The following MPDZ variants were observed in gnomAD, a reference collection of about 807,000 sequenced individuals.
MPDZ encodes the protein multiple PDZ domain crumbs cell polarity complex component, also known as multiple PDZ domain protein.
A neutral mutation model predicts 239.1 loss-of-function variants in MPDZ; 234 were observed. The observed-to-expected ratio is 0.98, with a 90% confidence interval of 0.88 to 1.09. The LOEUF is 1.09. Ranked by LOEUF, MPDZ falls within the 50% of genes least tolerant of loss-of-function variation. The pLI, the probability that MPDZ is intolerant of heterozygous loss-of-function variation, is 0.00. For missense variants in MPDZ, 3,175 were observed against 2,510.0 expected, an observed-to-expected ratio of 1.26 and a Z score of -5.66; for synonymous variants, 1,048 against 881.3, an observed-to-expected ratio of 1.19 and a Z score of -3.35.
In MPDZ at chr9:13,130,358, C is replaced by T. The variant is rs187353826; in HGVS notation, c.4464+3466G>A. ...TTAGAGCTCCCACTTTTAGACAATG[C>T]AAAAATCATTCTCTTCCTGACTCTC... On this transcript the variant is annotated intron_variant, in intron 32 of 46. Transcript: ENST00000319217. Among the ~76,000 whole-genome samples, 61 of 152,202 alleles carry T rather than the reference C, an allele frequency of 4.0e-4. 1 individual carries two copies. Among genetic ancestry groups the T allele is most frequent in the African/African-American group, 1.3e-3 (54 of 41,550 alleles).
intron 10 of MPDZ, among the ~76,000 whole-genome samples, chr9:13,208,084 G>T (rs1485116501): frequency 2.6e-5 from 4 of 152,128 alleles, no homozygotes; most frequent in Non-Finnish European, 5.9e-5. Flanking sequence ...AAAAGATCTG[G>T]ATTTTATAAT....
rs1291614949 is a variant in MPDZ, at chr9:13,112,655, T to G, written c.5601+356A>C. 2.0e-5 allele frequency among the ~76,000 whole-genome samples: 3 copies of G among 152,224 alleles called. 1 individual carries two copies. Among genetic ancestry groups the G allele is most frequent in the Non-Finnish European group, 4.4e-5 (3 of 68,038 alleles). The stretch of plus-strand genomic sequence containing the variant: ...TAGTAAAAGCTCAATAAATCACAGC[T>G]GCTTTTACTTTGTCTCTTGTGCATG... On this transcript the variant is annotated intron_variant, in intron 42 of 46. Transcript: ENST00000319217.
At chr9:13,147,811 T>G (rs958144693) in intron 25 of MPDZ, among the ~76,000 whole-genome samples, 153 bp from the exon 26 acceptor site, 1 of 152,090 alleles carries the variant, frequency 6.6e-6, no homozygotes, top group Non-Finnish European at 1.5e-5. Context: ...CTGCAGAACT[T>G]TCTGTCTGTC....
chr9:13,122,654 G>C (rs1223018997), intron 36 of MPDZ, among the ~76,000 whole-genome samples: 2 of 151,816 alleles, frequency 1.3e-5, no homozygotes, highest in African/African-American at 4.8e-5. Context: ...CCAAGTAGCT[G>C]GGATTACAGA....
rs983959589 is a variant in MPDZ, at chr9:13,249,436, G to GT, written c.16+863_16+864insA. On this transcript the variant is annotated intron_variant, in intron 2 of 46. Transcript: ENST00000319217. ...GGTTTAGTATAAAATGGGAAGTGAA[G>GT]GAAATGTACATACGTACATTTTCAT... 5.1e-3 allele frequency among the ~76,000 whole-genome samples: 777 copies of GT among 152,188 alleles called. 5 individuals carry two copies. Among genetic ancestry groups the GT allele is most frequent in the African/African-American group, 0.017 (692 of 41,512 alleles).
chr9:13,249,164 T>C (rs1198186870), intron 2 of MPDZ, among the ~76,000 whole-genome samples: 2 of 151,340 alleles, frequency 1.3e-5, no homozygotes, highest in African/African-American at 2.4e-5. Flanking sequence ...TATTTACTCA[T>C]ATGCAGAATT....
chr9:13,252,243 C>T (rs894696998), intron 1 of MPDZ, among the ~76,000 whole-genome samples: 1 of 151,996 alleles, frequency 6.6e-6, no homozygotes, highest in Non-Finnish European at 1.5e-5. Context: ...TAGCCAACCC[C>T]CCTCAAAAAC....
At position 13,131,899 on chromosome 9, in the gene MPDZ, A is replaced by G. The variant is rs556592876; in HGVS notation, c.4464+1925T>C. Among the ~76,000 whole-genome samples the G allele has an allele frequency of 1.4e-4, 21 of 152,300 alleles. No individual in the cohort carries two copies. The South Asian group carries it at 3.9e-3, about 29-fold the overall frequency. ...AACAAATGGCTTGCCTATTGCCCAG[A>G]GAAGTTAAGTGACTCCAAAGCCCAC... is the stretch of plus-strand genomic sequence containing the variant. On this transcript the variant is annotated intron_variant, in intron 32 of 46. Coordinates refer to ENST00000319217, the MANE Select transcript of MPDZ (RefSeq NM_001378778.1).
At chr9:13,186,421 G>C in intron 17 of MPDZ, 35 bp from the exon 18 acceptor site, 1 of 1,388,658 alleles carries the variant, frequency 7.2e-7, no homozygotes, top group Non-Finnish European at 1.0e-6. Flanking sequence ...GGAAAAGAGA[G>C]AGAACAGCAA....
intron 1 of MPDZ, among the ~76,000 whole-genome samples, chr9:13,250,981 T>C (rs1331342268): frequency 6.6e-6 from 1 of 151,598 alleles, no homozygotes. Flanking sequence ...ATACAAAAAT[T>C]AGCTGGGTGT....
At chr9:13,160,034 G>A (rs1325855617) in intron 23 of MPDZ, among the ~76,000 whole-genome samples, 1 of 152,184 alleles carries the variant, frequency 6.6e-6, no homozygotes, top group Non-Finnish European at 1.5e-5. Flanking sequence ...CTGGCAGAAA[G>A]TCACATGGTG....
intron 1 of MPDZ, among the ~76,000 whole-genome samples, chr9:13,271,167 T>C (rs1391047372): frequency 6.6e-6 from 1 of 152,214 alleles, no homozygotes. Flanking sequence ...GTAGTATTTT[T>C]TAAACTATTG....
intron 9 of MPDZ, 53 bp downstream of exon 9, chr9:13,217,127 A>G: frequency 8.7e-7 from 1 of 1,147,324 alleles, no homozygotes; most frequent in Non-Finnish European, 1.3e-6. Context: ...TATAAGAGAT[A>G]GATATCAGAG....
rs183772821 is a variant in MPDZ, at chr9:13,113,886, G to C, written c.5557+45C>G. The stretch of plus-strand genomic sequence containing the variant: ...TAAACAAGACAAAAAAATCAGTGTT[G>C]ACAGCCAAATTCAAACCATGTTTAA... On this transcript the variant is annotated intron_variant, in intron 41 of 46. Coordinates refer to ENST00000319217, the MANE Select transcript of MPDZ (RefSeq NM_001378778.1). 9 of 1,449,106 alleles carry C rather than the reference G, an allele frequency of 6.2e-6. No homozygotes were observed. The Admixed American group carries it at 1.4e-4, about 22-fold the overall frequency. The allele number at this position is 1,449,106 out of a possible 1,614,324, so 89.8% of individuals were successfully genotyped here.
rs1264702193 is a variant in MPDZ, at chr9:13,126,536, C to G, written c.4612G>C (p.Val1538Leu). Residue 1538 changes from valine to leucine, a missense_variant, in exon 34 of 47, where the codon GTT (valine) becomes CTT (leucine). Transcript: ENST00000319217. ...QILAVDDEIV[V>L]GYPIEKFISL... is the part of the protein sequence containing the mutation. ...ATTACCTTTTCAATAGGGTAACCAA[C>G]AACAATTTCATCATCTACAGCCAGT... 1 of 1,571,178 alleles carries G rather than the reference C, an allele frequency of 6.4e-7. No homozygotes were observed.
chr9:13,163,211 A>G (rs1439292062), intron 22 of MPDZ, among the ~76,000 whole-genome samples: 1 of 152,180 alleles, frequency 6.6e-6, no homozygotes, highest in Non-Finnish European at 1.5e-5. Flanking sequence ...GGTATACTCT[A>G]TTAAAATGCT....
chr9:13,247,372 GT>G, intron 3 of MPDZ, among the ~76,000 whole-genome samples: 1 of 151,990 alleles, frequency 6.6e-6, no homozygotes, highest in East Asian at 1.9e-4. Flanking sequence ...TTTATCATCC[GT>G]TTTTCCTGTA....
chr9:13,135,984 T>G lies in MPDZ; in HGVS notation c.4383+108A>C, dbSNP rs1587100789. Reference sequence around the variant, plus strand: ...ACTCCTTGAAGGCCAAGGCTATAACTTATCTACCTCTAATATCCCTCTCTA... The same window carrying G: ...ACTCCTTGAAGGCCAAGGCTATAACGTATCTACCTCTAATATCCCTCTCTA... On this transcript the variant is annotated intron_variant, in intron 31 of 46. Coordinates refer to ENST00000319217, the MANE Select transcript of MPDZ (RefSeq NM_001378778.1). The G allele has an allele frequency of 9.5e-6, 7 of 738,410 alleles. No individual in the cohort carries two copies. In the African/African-American group the frequency reaches 1.1e-4, roughly 11 times the overall value. The allele number at this position is 738,410 out of a possible 1,614,324, so 45.7% of individuals were successfully genotyped here.
At chr9:13,190,028 T>C (rs1301563574) in intron 16 of MPDZ, 86 bp downstream of exon 16, 4 of 1,199,472 alleles carry the variant, frequency 3.3e-6, no homozygotes, top group Non-Finnish European at 4.7e-6. Context: ...GAAAACATCT[T>C]TGATGGTTAT....
Sources: allele counts gnomAD v4.1 joint callset (sites outside exome capture counted in the v4.1 genomes callset), GRCh38; gene constraint gnomAD v4.1.1; transcripts MANE v1.5; gene names NCBI Gene and HGNC (gene_info 2026-07-23, HGNC 2026-07-21).